Variants in PDE1A observed in about 807,000 individuals in gnomAD.
The protein encoded by PDE1A is phosphodiesterase 1A, also known as dual specificity calcium/calmodulin-dependent 3',5'-cyclic nucleotide phosphodiesterase 1A.
A neutral mutation model predicts 61.7 loss-of-function variants in PDE1A; 35 were observed. The observed-to-expected ratio is 0.57, with a 90% CI of 0.43 to 0.75. The LOEUF (loss-of-function observed/expected upper bound fraction) is 0.75, where lower values mean the gene tolerates loss of function less well. Among genes scored for constraint, PDE1A ranks in the 30% least tolerant of loss-of-function variants. The probability of loss-of-function intolerance (pLI) is 0.00; values close to 1 mark genes in which losing one functional copy is unlikely to be tolerated. For missense variants in PDE1A, 597 were observed against 630.6 expected (o/e 0.95, Z 0.57); for synonymous variants, 232 against 213.2 (o/e 1.09, Z -0.77).
intron 6 of PDE1A, among the ~76,000 whole-genome samples, chr2:182,228,103 T>C (rs757568077): frequency 5.3e-5 from 8 of 152,110 alleles, no homozygotes; most frequent in African/African-American, 9.7e-5. Flanking sequence ...ATAAAACATT[T>C]GCTCCTTAGC....
chr2:182,494,758 G>C (rs1010206223), intron 2 of PDE1A, among the ~76,000 whole-genome samples: 2 of 151,896 alleles, frequency 1.3e-5, no homozygotes, highest in Non-Finnish European at 2.9e-5. Context: ...CTTCCACTTG[G>C]AATCTTCTTC....
chr2:182,402,205 C>A (rs1702042637), intron 1 of PDE1A, among the ~76,000 whole-genome samples: 2 of 152,164 alleles, frequency 1.3e-5, no homozygotes, highest in Non-Finnish European at 2.9e-5. Flanking sequence ...AAAAAACAGC[C>A]CGCATAGCAA....
At chr2:182,678,195 C>T in the PDE1A span, among the ~76,000 whole-genome samples, 3 of 152,140 alleles carry the variant, frequency 2.0e-5, no homozygotes, top group South Asian at 6.2e-4. Context: ...GAGGCCAAGG[C>T]AGGCGGATCA....
the PDE1A span, among the ~76,000 whole-genome samples, chr2:182,540,501 C>T: frequency 6.6e-6 from 1 of 151,944 alleles, no homozygotes; most frequent in African/African-American, 2.4e-5. Flanking sequence ...AGGGACTAAC[C>T]TCTCCCACTT....
At position 182,186,605 on chromosome 2, in the gene PDE1A, G is replaced by T; in HGVS notation, c.1208-17C>A. 1 of 1,580,646 alleles carries T rather than the reference G, an allele frequency of 6.3e-7. No individual in the cohort carries two copies. Among genetic ancestry groups the T allele is most frequent in the Non-Finnish European group, 8.6e-7 (1 of 1,165,476 alleles). On this transcript the variant is annotated splice_polypyrimidine_tract_variant and intron_variant, in intron 11 of 13. Coordinates refer to ENST00000351439, the Ensembl canonical transcript of PDE1A. ...CGATGAAACCTACAAAAGCCAAAAT[G>T]AGAAGAGAGAGAGATAAATTCAAGT... is the stretch of plus-strand genomic sequence containing the variant.
At chr2:182,140,758 T>C (rs1299681426) in exon 15 of PDE1A, 4 of 152,116 alleles carry the variant, frequency 2.6e-5, no homozygotes, top group Non-Finnish European at 5.9e-5. Context: ...CATGCACAGA[T>C]AACCTCCACT....
chr2:182,367,032 A>C (rs1699872583), intron 1 of PDE1A, among the ~76,000 whole-genome samples: 1 of 152,100 alleles, frequency 6.6e-6, no homozygotes, highest in Non-Finnish European at 1.5e-5. Flanking sequence ...CTTTCTTCAA[A>C]TTAACACTGA....
the PDE1A span, among the ~76,000 whole-genome samples, chr2:182,642,030 T>A: frequency 6.6e-6 from 1 of 152,220 alleles, no homozygotes; most frequent in African/African-American, 2.4e-5. Flanking sequence ...GACAAAGACC[T>A]ATGAGAAAAG....
At chr2:182,243,774 T>C (rs75915044) in intron 2 of PDE1A, among the ~76,000 whole-genome samples, 195 of 152,352 alleles carry the variant, frequency 1.3e-3, no homozygotes, top group African/African-American at 4.4e-3. Flanking sequence ...GGAAGTTCAC[T>C]ACTTTTCAAA....
At chr2:182,338,506 C>T (rs1410632317) in intron 1 of PDE1A, among the ~76,000 whole-genome samples, 1 of 152,046 alleles carries the variant, frequency 6.6e-6, no homozygotes, top group Non-Finnish European at 1.5e-5. Context: ...TTCCACTAAG[C>T]ATATGGTTTT....
chr2:182,164,178 C>T (rs1449880801), downstream of PDE1A, among the ~76,000 whole-genome samples: 4 of 152,108 alleles, frequency 2.6e-5, no homozygotes, highest in African/African-American at 4.8e-5. Context: ...GGTATACACA[C>T]GATCAGGCTG....
the PDE1A span, among the ~76,000 whole-genome samples, chr2:182,606,070 T>C: frequency 1.3e-5 from 2 of 152,250 alleles, no homozygotes; most frequent in Non-Finnish European, 1.5e-5. Context: ...CATATGACTT[T>C]ATTACAATGA....
chr2:182,653,576 C>T, the PDE1A span, among the ~76,000 whole-genome samples: 1 of 152,018 alleles, frequency 6.6e-6, no homozygotes, highest in South Asian at 2.1e-4. Context: ...GTTGCAGAAA[C>T]CCCGTTATCA....
intron 13 of PDE1A, among the ~76,000 whole-genome samples, chr2:182,156,270 A>G (rs1269193155): frequency 1.3e-5 from 2 of 152,228 alleles, no homozygotes; most frequent in East Asian, 3.8e-4. Context: ...TAAAAACAAT[A>G]GTAAACATTC....
chr2:182,408,228 T>C (rs1380046194), intron 1 of PDE1A, among the ~76,000 whole-genome samples: 1 of 151,694 alleles, frequency 6.6e-6, no homozygotes, highest in African/African-American at 2.4e-5. Flanking sequence ...CCTCCCACCT[T>C]TTATTTTCCC....
At chr2:182,230,940 C>G in intron 5 of PDE1A, 75 bp downstream of exon 5, 1 of 754,998 alleles carries the variant, frequency 1.3e-6, no homozygotes, top group South Asian at 1.7e-5. Flanking sequence ...CTTAATTACT[C>G]AAATGTTCTG....
At chr2:182,326,337 G>A (rs1697047279) in intron 1 of PDE1A, among the ~76,000 whole-genome samples, 1 of 152,090 alleles carries the variant, frequency 6.6e-6, no homozygotes, top group Admixed American at 6.5e-5. Flanking sequence ...ATGAATTTGT[G>A]GGGAAACAAA....
chr2:182,673,989 C>CATATATATATATAT, the PDE1A span, among the ~76,000 whole-genome samples: 2 of 135,260 alleles, frequency 1.5e-5, no homozygotes, highest in African/African-American at 6.0e-5. Flanking sequence ...AATATAACTT[C>CATATATATATATAT]ATATATATAT....
chr2:182,715,147 G>A, the PDE1A span, among the ~76,000 whole-genome samples: 4 of 152,096 alleles, frequency 2.6e-5, no homozygotes, highest in Non-Finnish European at 5.9e-5. Flanking sequence ...TACACACTGT[G>A]TCATAATGCT....
Sources: allele counts gnomAD v4.1 joint callset (sites outside exome capture counted in the v4.1 genomes callset), GRCh38; gene constraint gnomAD v4.1.1; transcripts MANE v1.5; gene names NCBI Gene and HGNC (gene_info 2026-07-23, HGNC 2026-07-21).